Variants in TRAPPC9 observed in about 807,000 individuals in gnomAD.
The protein encoded by TRAPPC9 is trafficking protein particle complex subunit 9.
TRAPPC9 carries 83 observed loss-of-function variants against 124.0 expected under a neutral mutation model. That is an observed-to-expected ratio of 0.67 (90% confidence interval 0.56 to 0.80). The LOEUF (loss-of-function observed/expected upper bound fraction) is 0.80. Among genes scored for constraint, TRAPPC9 ranks in the 30% least tolerant of loss-of-function variants. The pLI is 0.00. For missense variants in TRAPPC9, 1,302 were observed against 1,508.3 expected (o/e 0.86, Z 2.27); for synonymous variants, 638 against 617.5 (o/e 1.03, Z -0.49).
rs773362030 is a variant in TRAPPC9, at chr8:140,451,117, C to A, written c.257G>T (p.Cys86Phe). 12 of 1,613,938 alleles carry A rather than the reference C, an allele frequency of 7.4e-6. No homozygotes were observed. The highest frequency in any genetic ancestry group is 1.3e-5 in the African/African-American group (1 of 74,898). ...KVVGLITITD[C>F]FSAKDWPQTF... Reference sequence around the variant, plus strand: ...CTGTGGCCAGTCCTTGGCCGAGAAGCAGTCTGTGATGGTGATGAGGCCCAC... The same window carrying A: ...CTGTGGCCAGTCCTTGGCCGAGAAGAAGTCTGTGATGGTGATGAGGCCCAC... The change falls in exon 2 of 23, where the codon TGC becomes TTC. Residue 86 changes from cysteine (C) to phenylalanine (F), a missense_variant. This residue lies in a region of TRAPPC9 where 657 missense variants were observed against 811.2 expected (regional missense o/e 0.81). Transcript: ENST00000438773.
rs76936462 is a variant in TRAPPC9, at chr8:140,194,833, C to T, written c.2556+26626G>A. On this transcript the variant is annotated intron_variant, in intron 17 of 22. Coordinates refer to ENST00000438773, the MANE Select transcript of TRAPPC9 (RefSeq NM_001160372.4). Reference sequence around the variant, plus strand: ...TCAACAACCTATCGTACAGCTCACACCTCTGACCACTAAAACACACTCAAA... The same window carrying T: ...TCAACAACCTATCGTACAGCTCACATCTCTGACCACTAAAACACACTCAAA... 6.7e-3 allele frequency among the ~76,000 whole-genome samples: 1,019 copies of T among 152,188 alleles called. 10 individuals are homozygous for T. The highest frequency in any genetic ancestry group is 0.014 in the Middle Eastern group (4 of 294).
intron 18 of TRAPPC9, among the ~76,000 whole-genome samples, chr8:139,996,736 TTTTG>T (rs1297721405): frequency 6.6e-6 from 1 of 152,204 alleles, no homozygotes; most frequent in Non-Finnish European, 1.5e-5. Flanking sequence ...GTTGCTATTT[TTTTG>T]TTTGTTTGTT....
intron 7 of TRAPPC9, among the ~76,000 whole-genome samples, chr8:140,375,369 C>A (rs1439924714): frequency 6.6e-6 from 1 of 152,176 alleles, no homozygotes; most frequent in African/African-American, 2.4e-5. Flanking sequence ...GCTTTATTCA[C>A]AAGGCAGACT....
intron 19 of TRAPPC9, among the ~76,000 whole-genome samples, chr8:139,977,496 T>A (rs1316733222): frequency 1.3e-5 from 2 of 151,306 alleles, no homozygotes; most frequent in African/African-American, 4.9e-5. Flanking sequence ...CGGGCGCCTG[T>A]AGTCCCAGCT....
intron 20 of TRAPPC9, among the ~76,000 whole-genome samples, chr8:139,902,981 C>T (rs1018363235): frequency 5.9e-5 from 9 of 152,162 alleles, no homozygotes; most frequent in African/African-American, 9.7e-5. Flanking sequence ...TGACAAACAC[C>T]GCCGCCACTG....
intron 18 of TRAPPC9, among the ~76,000 whole-genome samples, chr8:140,002,844 C>CAAAAAAAAAAAAAAAAA (rs56895763): frequency 1.5e-5 from 1 of 68,800 alleles, no homozygotes; most frequent in Non-Finnish European, 2.8e-5. Context: ...TTCCACTTAT[C>CAAAAAAAAAAAAAAAAA]AAAAAAAAAA....
chr8:140,265,398 A>T (rs1299654838), intron 15 of TRAPPC9, among the ~76,000 whole-genome samples: 1 of 152,212 alleles, frequency 6.6e-6, no homozygotes, highest in Non-Finnish European at 1.5e-5. Flanking sequence ...ATGCCAACCA[A>T]CCAAGGTATT....
At chr8:139,748,839 C>T (rs1819129766) in intron 21 of TRAPPC9, among the ~76,000 whole-genome samples, 1 of 152,222 alleles carries the variant, frequency 6.6e-6, no homozygotes, top group East Asian at 1.9e-4. Flanking sequence ...CTTCCTCCCC[C>T]CAGGCCCTAG....
intron 19 of TRAPPC9, among the ~76,000 whole-genome samples, chr8:139,977,073 C>T (rs1563657511): frequency 6.6e-6 from 1 of 152,150 alleles, no homozygotes; most frequent in Admixed American, 6.5e-5. Context: ...CAAATGTCTT[C>T]GCATCTTCAC....
chr8:140,348,502 C>G (rs1369336229), intron 9 of TRAPPC9, among the ~76,000 whole-genome samples: 1 of 152,100 alleles, frequency 6.6e-6, no homozygotes, highest in Non-Finnish European at 1.5e-5. Context: ...ACCCAGGAAG[C>G]CCCCTCCTGA....
At chr8:140,325,478 A>T (rs1421215401) in intron 9 of TRAPPC9, among the ~76,000 whole-genome samples, 1 of 152,256 alleles carries the variant, frequency 6.6e-6, no homozygotes, top group Non-Finnish European at 1.5e-5. Flanking sequence ...TTAAGAGGAT[A>T]ATAAGGGAAC....
chr8:140,004,661 T>C (rs1212129594), intron 18 of TRAPPC9, among the ~76,000 whole-genome samples: 10 of 152,166 alleles, frequency 6.6e-5, no homozygotes, highest in Non-Finnish European at 1.3e-4. Context: ...TTGCTGTCAG[T>C]GGAGCTGCAA....
intron 13 of TRAPPC9, 128 bp from the exon 14 acceptor site, chr8:140,284,149 G>C: frequency 8.0e-7 from 1 of 1,255,532 alleles, no homozygotes; most frequent in Non-Finnish European, 1.1e-6. Context: ...CCCGGGGCCC[G>C]CCGGCGCTCA....
At chr8:140,213,246 G>T (rs1467748976) in intron 17 of TRAPPC9, among the ~76,000 whole-genome samples, 1 of 151,956 alleles carries the variant, frequency 6.6e-6, no homozygotes, top group African/African-American at 2.4e-5. Flanking sequence ...GTCTATTGTG[G>T]TTGTCTATAT....
intron 14 of TRAPPC9, among the ~76,000 whole-genome samples, chr8:140,278,670 C>T (rs4075647): frequency 0.25 from 37,799 of 151,980 alleles, 5,675 homozygotes; most frequent in East Asian, 0.73. Context: ...GGCCGGACAA[C>T]GCAATTCCAC....
chr8:140,132,874 G>A (rs761332817), intron 17 of TRAPPC9, among the ~76,000 whole-genome samples: 2 of 152,170 alleles, frequency 1.3e-5, no homozygotes, highest in Non-Finnish European at 2.9e-5. Context: ...TTGGCAGCAC[G>A]CAAGAGAGGC....
chr8:139,819,026 G>A (rs996468923), intron 21 of TRAPPC9, among the ~76,000 whole-genome samples: 11 of 152,212 alleles, frequency 7.2e-5, no homozygotes, highest in Non-Finnish European at 1.3e-4. Flanking sequence ...CCAGGCTGGA[G>A]AGCAGGAGGT....
At chr8:140,401,548 C>G (rs2069271058) in intron 6 of TRAPPC9, among the ~76,000 whole-genome samples, 1 of 152,182 alleles carries the variant, frequency 6.6e-6, no homozygotes, top group Non-Finnish European at 1.5e-5. Context: ...AAAGTCATCA[C>G]AAATTTTTCC....
At chr8:140,106,596 C>T (rs73727507) in intron 17 of TRAPPC9, among the ~76,000 whole-genome samples, 10,268 of 152,002 alleles carry the variant, frequency 0.068, 416 homozygotes, top group Middle Eastern at 0.13. Context: ...CGTGGGGGAG[C>T]GAGGGGGCAG....
Sources: allele counts gnomAD v4.1 joint callset (sites outside exome capture counted in the v4.1 genomes callset), GRCh38; gene constraint gnomAD v4.1.1; regional missense constraint gnomAD v4.1.1; transcripts MANE v1.5; gene names NCBI Gene and HGNC (gene_info 2026-07-23, HGNC 2026-07-21).